The following KIRREL3 variants were observed in gnomAD, a reference collection of about 807,000 sequenced individuals.
KIRREL3 encodes the protein kirre like nephrin family adhesion molecule 3.
A neutral mutation model predicts 89.7 loss-of-function variants in KIRREL3; 36 were observed. That is an observed-to-expected ratio of 0.40 (90% CI 0.31 to 0.53). KIRREL3 has a LOEUF of 0.53. Among genes scored for constraint, KIRREL3 ranks in the 20% least tolerant of loss-of-function variants. The pLI is 0.49. For missense variants in KIRREL3, 864 were observed against 1,056.6 expected, an observed-to-expected ratio of 0.82 and a Z score of 2.53; for synonymous variants, 445 against 441.4, an observed-to-expected ratio of 1.01 and a Z score of -0.10.
Position 126,779,311 on chromosome 11 carries a change from C to T in KIRREL3, c.56-216399G>A, listed in dbSNP as rs547226477. Among the ~76,000 whole-genome samples the T allele has an allele frequency of 4.6e-5, 7 of 152,284 alleles. No individual in the cohort carries two copies. The South Asian group carries it at 1.2e-3, about 27-fold the overall frequency. ...TCACCCAGGTCCCAGCCATGCTCTC[C>T]CAGTGGGCCACCCAGTAAGATTCAG... is the stretch of plus-strand genomic sequence containing the variant. On this transcript the variant is annotated intron_variant, in intron 1 of 16. Transcript: ENST00000525144.
In KIRREL3 at chr11:126,769,826, A is replaced by G. The variant is rs759842933; in HGVS notation, c.56-206914T>C. On this transcript the variant is annotated intron_variant, in intron 1 of 16. Transcript: ENST00000525144. This position sits in a 1 kb window ranked among gnomAD's most constrained non-coding sequence, Gnocchi z 4.3. The stretch of plus-strand genomic sequence containing the variant: ...AATATTGGCCCTGATGAGGTGTAGA[A>G]TCTTGTGCAACCTGCTCAATCTCTC... Among the ~76,000 whole-genome samples the G allele has an allele frequency of 2.0e-5, 3 of 151,992 alleles. No individual in the cohort carries two copies. Among genetic ancestry groups the G allele is most frequent in the Non-Finnish European group, 4.4e-5 (3 of 67,974 alleles).
At chr11:126,731,920 T>A (rs1948631859) in intron 1 of KIRREL3, among the ~76,000 whole-genome samples, 1 of 152,246 alleles carries the variant, frequency 6.6e-6, no homozygotes, top group African/African-American at 2.4e-5. Context: ...GCTACTTTGA[T>A]GCAGGCAGCT....
At chr11:126,887,399 C>T (rs1372977451) in intron 1 of KIRREL3, among the ~76,000 whole-genome samples, 1 of 152,166 alleles carries the variant, frequency 6.6e-6, no homozygotes, top group Non-Finnish European at 1.5e-5. Context: ...TGATTATGGT[C>T]ATGGTCAGCG....
intron 1 of KIRREL3, among the ~76,000 whole-genome samples, chr11:126,667,796 A>C (rs1945729229): frequency 6.6e-6 from 1 of 152,182 alleles, no homozygotes; most frequent in Non-Finnish European, 1.5e-5. Context: ...CATCTAGGGA[A>C]ATGTCTTCAC....
intron 1 of KIRREL3, among the ~76,000 whole-genome samples, chr11:126,952,789 TCTCA>T (rs1291731535): frequency 1.3e-5 from 2 of 152,170 alleles, no homozygotes; most frequent in African/African-American, 4.8e-5. Context: ...TGAGATACCA[TCTCA>T]CGCCAGTTAG....
chr11:126,815,943 T>G (rs948848130), intron 1 of KIRREL3, among the ~76,000 whole-genome samples: 5 of 152,222 alleles, frequency 3.3e-5, no homozygotes, highest in African/African-American at 1.2e-4. Context: ...TTTAACTGGC[T>G]TACGTAAAGT....
intron 7 of KIRREL3, among the ~76,000 whole-genome samples, chr11:126,451,112 CATGTGT>C (rs1249793326): frequency 7.1e-5 from 5 of 70,710 alleles, no homozygotes; most frequent in African/African-American, 3.3e-4. Context: ...TGCATGTGTG[CATGTGT>C]GTGTGTGCAT....
At chr11:126,721,377 A>G (rs1020040828) in intron 1 of KIRREL3, among the ~76,000 whole-genome samples, 1 of 152,036 alleles carries the variant, frequency 6.6e-6, no homozygotes, top group African/African-American at 2.4e-5. Context: ...TTAAAAATAC[A>G]AAATTAGCTG....
At chr11:126,936,233 C>T (rs879413521) in intron 1 of KIRREL3, 7 of 152,052 alleles carry the variant, frequency 4.6e-5, no homozygotes, top group Non-Finnish European at 8.8e-5. Context: ...ATAAAAAAGA[C>T]AGAAATAACA....
rs1372800813 is a variant in KIRREL3, at chr11:126,431,818, G to T, written c.1589-292C>A. Reference sequence around the variant, plus strand: ...GGCAGGCAGACACGGAGAAGGGAGGGCCAGGGGACAGGAAGACCGGAGATG... The same window carrying T: ...GGCAGGCAGACACGGAGAAGGGAGGTCCAGGGGACAGGAAGACCGGAGATG... On this transcript the variant is annotated intron_variant, in intron 13 of 16. Coordinates refer to ENST00000525144, the MANE Select transcript of KIRREL3 (RefSeq NM_032531.4). This position sits in a 1 kb window ranked among gnomAD's most constrained non-coding sequence, Gnocchi z 7.1. Among the ~76,000 whole-genome samples the T allele has an allele frequency of 3.3e-5, 5 of 152,152 alleles. No homozygotes were observed. Among genetic ancestry groups the T allele is most frequent in the African/African-American group, 1.2e-4 (5 of 41,432 alleles).
rs1470846157 is a variant in KIRREL3, at chr11:126,685,803, G to A, written c.56-122891C>T. ...TGTTGCCCTCACAGCATTCAGTGAT[G>A]TTTGCCAGAGTGGCTCCACGCCCCT... On this transcript the variant is annotated intron_variant, in intron 1 of 16. Transcript: ENST00000525144. The surrounding 1 kb of genome is among the most constrained non-coding windows in gnomAD (Gnocchi z 5.5). Among the ~76,000 whole-genome samples the A allele has an allele frequency of 6.6e-6, 1 of 152,266 alleles. No homozygotes were observed. Among genetic ancestry groups the A allele is most frequent in the East Asian group, 1.9e-4 (1 of 5,196 alleles).
intron 1 of KIRREL3, among the ~76,000 whole-genome samples, chr11:126,951,319 T>C (rs1372317205): frequency 1.3e-5 from 2 of 152,240 alleles, no homozygotes; most frequent in Non-Finnish European, 2.9e-5. Flanking sequence ...GGGTATTTGA[T>C]AATGGACTCT....
In KIRREL3 at chr11:126,594,209, AG is replaced by A. The variant is rs1186372177; in HGVS notation, c.56-31298del. ...GGAGAAGAAGGCAGGCAGAAGAGGA[AG>A]GGAGGGAAGGATGGAGGAGCTGGTG... On this transcript the variant is annotated intron_variant, in intron 1 of 16. Transcript: ENST00000525144. The surrounding 1 kb of genome is among the most constrained non-coding windows in gnomAD (Gnocchi z 5.0). 6.6e-6 allele frequency among the ~76,000 whole-genome samples: 1 copy of A among 152,114 alleles called. No homozygotes were observed. The highest frequency in any genetic ancestry group is 2.4e-5 in the African/African-American group (1 of 41,412).
rs150395860 is a variant in KIRREL3, at chr11:126,866,142, G to A, written c.55+134313C>T. On this transcript the variant is annotated intron_variant, in intron 1 of 16. Transcript: ENST00000525144. ...ATGCTTCCATTGTGTATCTGGACCT[G>A]GATCTTAGAGAGTGATGGGGGAGGG... Among the ~76,000 whole-genome samples the A allele has an allele frequency of 6.0e-3, 908 of 152,326 alleles. 4 individuals are homozygous for A. Among genetic ancestry groups the A allele is most frequent in the Non-Finnish European group, 9.2e-3 (626 of 68,024 alleles).
intron 1 of KIRREL3, among the ~76,000 whole-genome samples, chr11:126,831,423 A>G (rs11500902): frequency 8.1e-5 from 6 of 73,868 alleles, no homozygotes; most frequent in East Asian, 5.7e-4. Context: ...GTCTCTCTCT[A>G]TCTCTCTCTC....
rs1381218818 is a variant in KIRREL3, at chr11:126,652,186, A to G, written c.56-89274T>C. Among the ~76,000 whole-genome samples the G allele has an allele frequency of 2.0e-5, 3 of 152,120 alleles. No individual in the cohort carries two copies. The highest frequency in any genetic ancestry group is 4.4e-5 in the Non-Finnish European group (3 of 68,018). The stretch of plus-strand genomic sequence containing the variant: ...GCAGGCTGGAATTTCAGCCCCTCAG[A>G]GTGAAGGGATGGGCTTCTTTGGTTG... On this transcript the variant is annotated intron_variant, in intron 1 of 16. Transcript: ENST00000525144. The surrounding 1 kb of genome is among the most constrained non-coding windows in gnomAD (Gnocchi z 4.9).
At chr11:126,799,491 T>TGTGTGCATGTG (rs1220304115) in intron 1 of KIRREL3, among the ~76,000 whole-genome samples, 1 of 151,174 alleles carries the variant, frequency 6.6e-6, no homozygotes, top group Admixed American at 6.6e-5. Flanking sequence ...TGCATGTGTG[T>TGTGTGCATGTG]CAGCTATCCC....
Position 126,684,734 on chromosome 11 carries a change from G to A in KIRREL3, c.56-121822C>T, listed in dbSNP as rs1946601958. On this transcript the variant is annotated intron_variant, in intron 1 of 16. Transcript: ENST00000525144. This position sits in a 1 kb window ranked among gnomAD's most constrained non-coding sequence, Gnocchi z 4.2. ...CCTGGTAGGTACTGAAGCTTGTAAA[G>A]GCCACCTAATCACTTTGCTTTGGTA... 6.6e-6 allele frequency among the ~76,000 whole-genome samples: 1 copy of A among 152,178 alleles called. No individual in the cohort carries two copies. The highest frequency in any genetic ancestry group is 1.5e-5 in the Non-Finnish European group (1 of 68,018).
In KIRREL3 at chr11:126,526,775, TG is replaced by T; in HGVS notation, c.134-89del. ...TCCAGCTATGGAAGCAGAGCAGGGC[TG>T]GCGCAGGAGACTGAGCCTCCTGAAG... On this transcript the variant is annotated intron_variant, in intron 2 of 16. Coordinates refer to ENST00000525144, the MANE Select transcript of KIRREL3 (RefSeq NM_032531.4). This position sits in a 1 kb window ranked among gnomAD's most constrained non-coding sequence, Gnocchi z 5.7. 1 of 1,419,352 alleles carries T rather than the reference TG, an allele frequency of 7.0e-7. No homozygotes were observed. The highest frequency in any genetic ancestry group is 9.6e-7 in the Non-Finnish European group (1 of 1,042,392). 87.9% of individuals were successfully genotyped at this position (1,419,352 alleles called of 1,614,324 possible).
Sources: allele counts gnomAD v4.1 joint callset (sites outside exome capture counted in the v4.1 genomes callset), GRCh38; gene constraint gnomAD v4.1.1; non-coding constraint Gnocchi (gnomAD v3.1); transcripts MANE v1.5; gene names NCBI Gene and HGNC (gene_info 2026-07-23, HGNC 2026-07-21).